The following PCSK2 variants were observed in gnomAD, a reference collection of about 807,000 sequenced individuals.
PCSK2 encodes the protein proprotein convertase subtilisin/kexin type 2.
A neutral mutation model predicts 69.7 loss-of-function variants in PCSK2; 14 were observed. The ratio of observed to expected loss-of-function variants is 0.20; its 90% CI spans 0.13 to 0.31. PCSK2 has a LOEUF of 0.31. Ranked by LOEUF, PCSK2 falls within the 10% of genes least tolerant of loss-of-function variation. The pLI is 1.00. For synonymous variants in PCSK2, 307 were observed against 320.7 expected (o/e 0.96, Z 0.46); for missense variants, 544 against 842.5 (o/e 0.65, Z 4.39).
chr20:17,434,847 C>T (rs990577602), intron 7 of PCSK2, among the ~76,000 whole-genome samples: 5 of 152,184 alleles, frequency 3.3e-5, no homozygotes, highest in African/African-American at 7.2e-5. Flanking sequence ...ACAGAGTGGG[C>T]GTGACTTTGC....
intron 2 of PCSK2, among the ~76,000 whole-genome samples, chr20:17,315,297 T>C (rs1989647877): frequency 6.7e-6 from 1 of 149,446 alleles, no homozygotes; most frequent in African/African-American, 2.5e-5. Flanking sequence ...GGCCAGAGAG[T>C]TGAATAAAGA....
intron 6 of PCSK2, among the ~76,000 whole-genome samples, chr20:17,414,191 A>G (rs1042168943): frequency 6.6e-6 from 1 of 152,208 alleles, no homozygotes; most frequent in African/African-American, 2.4e-5. Flanking sequence ...TCAGAGCAGA[A>G]CTGAAGGAGC....
At chr20:17,312,962 G>A (rs575291639) in intron 2 of PCSK2, among the ~76,000 whole-genome samples, 6 of 152,206 alleles carry the variant, frequency 3.9e-5, no homozygotes, top group African/African-American at 1.2e-4. Context: ...CTAATCTAGC[G>A]AAAGCATCTT....
At chr20:17,387,327 T>C (rs2031261685) in intron 5 of PCSK2, among the ~76,000 whole-genome samples, 1 of 152,142 alleles carries the variant, frequency 6.6e-6, no homozygotes, top group Non-Finnish European at 1.5e-5. Context: ...AATACATATA[T>C]ATATTTTGTT....
intron 11 of PCSK2, among the ~76,000 whole-genome samples, chr20:17,477,358 C>T (rs1600612027): frequency 1.4e-5 from 2 of 145,448 alleles, no homozygotes; most frequent in South Asian, 4.4e-4. Flanking sequence ...TATTTTTCAG[C>T]ACAGGAAGAT....
intron 8 of PCSK2, among the ~76,000 whole-genome samples, chr20:17,437,716 A>G (rs1351804520): frequency 6.6e-6 from 1 of 152,176 alleles, no homozygotes; most frequent in Non-Finnish European, 1.5e-5. Flanking sequence ...AACCACCCCA[A>G]AACTTCATAG....
intron 5 of PCSK2, among the ~76,000 whole-genome samples, chr20:17,372,778 G>A (rs2030810766): frequency 1.3e-5 from 2 of 152,166 alleles, no homozygotes; most frequent in African/African-American, 4.8e-5. Flanking sequence ...TTCCTCAGCA[G>A]AGGGCCCAAA....
chr20:17,230,727 A>T (rs771496396), intron 1 of PCSK2, among the ~76,000 whole-genome samples: 15 of 152,220 alleles, frequency 9.9e-5, no homozygotes, highest in Non-Finnish European at 2.1e-4. Flanking sequence ...ATATCTTTAT[A>T]TAGTCTCCAT....
chr20:17,421,021 T>A (rs2032113724), intron 6 of PCSK2, among the ~76,000 whole-genome samples: 1 of 152,062 alleles, frequency 6.6e-6, no homozygotes, highest in Admixed American at 6.5e-5. Flanking sequence ...GCTACAGGAG[T>A]AAATGTAGCA....
chr20:17,328,491 A>T (rs904214941), intron 2 of PCSK2, among the ~76,000 whole-genome samples: 8 of 150,874 alleles, frequency 5.3e-5, no homozygotes, highest in Non-Finnish European at 8.9e-5. Context: ...TATATATTAA[A>T]ATACATAGAC....
chr20:17,461,273 C>T (rs1311251294), intron 10 of PCSK2, among the ~76,000 whole-genome samples: 1 of 152,126 alleles, frequency 6.6e-6, no homozygotes, highest in Non-Finnish European at 1.5e-5. Context: ...GAGAAAATAC[C>T]AGCTTGACTC....
intron 11 of PCSK2, 126 bp downstream of exon 11, chr20:17,465,679 G>A (rs1055231446): frequency 1.5e-5 from 10 of 676,930 alleles, no homozygotes; most frequent in Admixed American, 5.9e-5. Context: ...TTGTTTGTTT[G>A]TTTTTTTGAG....
chr20:17,432,013 G>C (rs1190195929), intron 7 of PCSK2, among the ~76,000 whole-genome samples: 1 of 152,162 alleles, frequency 6.6e-6, no homozygotes, highest in African/African-American at 2.4e-5. Context: ...GCGCCCCTGT[G>C]ATGTCTGAGG....
chr20:17,282,534 G>A (rs995738184), intron 2 of PCSK2, among the ~76,000 whole-genome samples: 7 of 152,110 alleles, frequency 4.6e-5, no homozygotes, highest in Admixed American at 3.9e-4. Flanking sequence ...CCATTGTCAC[G>A]TCAATTATAG....
intron 1 of PCSK2, among the ~76,000 whole-genome samples, chr20:17,238,073 AG>A (rs1458601597): frequency 6.6e-6 from 1 of 152,200 alleles, no homozygotes; most frequent in Non-Finnish European, 1.5e-5. Context: ...CAAAATGGTA[AG>A]GCCTATCCAA....
intron 1 of PCSK2, among the ~76,000 whole-genome samples, chr20:17,240,663 G>A (rs891829371): frequency 6.6e-6 from 1 of 152,192 alleles, no homozygotes; most frequent in East Asian, 1.9e-4. Context: ...CAGTTTGTGA[G>A]TGAGGCTGTA....
At chr20:17,292,609 A>G (rs1043665080) in intron 2 of PCSK2, among the ~76,000 whole-genome samples, 8 of 152,258 alleles carry the variant, frequency 5.3e-5, no homozygotes, top group Middle Eastern at 3.4e-3. Context: ...AAGCTTATTG[A>G]TTATTAGGAA....
At chr20:17,345,290 A>G (rs1012707505) in intron 2 of PCSK2, among the ~76,000 whole-genome samples, 1 of 152,190 alleles carries the variant, frequency 6.6e-6, no homozygotes, top group Non-Finnish European at 1.5e-5. Context: ...TATATTGACC[A>G]TTATAATTAT....
intron 2 of PCSK2, among the ~76,000 whole-genome samples, chr20:17,272,461 T>G (rs1412093276): frequency 6.6e-6 from 1 of 152,110 alleles, no homozygotes; most frequent in Non-Finnish European, 1.5e-5. Flanking sequence ...GTATTGGTTC[T>G]AAAACAAGGA....
Sources: allele counts gnomAD v4.1 joint callset (sites outside exome capture counted in the v4.1 genomes callset), GRCh38; gene constraint gnomAD v4.1.1; transcripts MANE v1.5; gene names NCBI Gene and HGNC (gene_info 2026-07-23, HGNC 2026-07-21).